EYS: variants seen among roughly 807,000 people sequenced by gnomAD.
EYS encodes protein eyes shut homolog.
In EYS, 250 loss-of-function variants were observed where a neutral mutation model predicts 282.1. That is an observed-to-expected ratio of 0.89 (90% confidence interval 0.80 to 0.98). The LOEUF (loss-of-function observed/expected upper bound fraction) is 0.98. EYS is among the 50% of genes least tolerant of loss of function. The probability of loss-of-function intolerance (pLI) is 0.00; values close to 1 mark genes in which losing one functional copy is unlikely to be tolerated. For missense variants in EYS, 4,016 were observed against 3,709.0 expected (o/e 1.08, Z -2.15); for synonymous variants, 1,355 against 1,282.9 (o/e 1.06, Z -1.20).
At chr6:64,104,298 G>T (rs1472614186) in intron 31 of EYS, among the ~76,000 whole-genome samples, 1 of 152,030 alleles carries the variant, frequency 6.6e-6, no homozygotes, top group African/African-American at 2.4e-5. Context: ...CTCTTGTACT[G>T]AAATCTGATG....
intron 2 of EYS, among the ~76,000 whole-genome samples, chr6:65,523,080 CTTG>C (rs749700753): frequency 1.3e-5 from 2 of 152,018 alleles, no homozygotes; most frequent in Non-Finnish European, 2.9e-5. Flanking sequence ...TAAAAAAACA[CTTG>C]TTGTCATGAC....
chr6:65,026,841 C>T lies in EYS; in HGVS notation c.2138-29138G>A, dbSNP rs192630011. Among the ~76,000 whole-genome samples the T allele has an allele frequency of 6.6e-3, 991 of 151,250 alleles. 6 individuals carry two copies. Among genetic ancestry groups the T allele is most frequent in the Middle Eastern group, 0.034 (10 of 292 alleles). On this transcript the variant is annotated intron_variant, in intron 13 of 42. Coordinates refer to ENST00000503581, the MANE Select transcript of EYS (RefSeq NM_001142800.2). ...CTGAGGCAGGAGGATTGCTTGAATCCGGGAGGCAGAGGTTGCAGTGAGCCA... is the reference window on the plus strand; with the variant it reads ...CTGAGGCAGGAGGATTGCTTGAATCTGGGAGGCAGAGGTTGCAGTGAGCCA...
Position 65,329,189 on chromosome 6 carries a change from T to A in EYS, c.1766+5791A>T, listed in dbSNP as rs891764656. On this transcript the variant is annotated intron_variant, in intron 11 of 42. Transcript: ENST00000503581. ...TACGGTCAAACTTTAATTTTAAATA[T>A]ATAACGTATGTATTTGGGAAAAATA... 20 of 225,860 alleles carry A rather than the reference T, an allele frequency of 8.9e-5. 1 individual carries two copies. The Admixed American group carries it at 1.1e-3, about 13-fold the overall frequency. 14.0% of individuals were successfully genotyped at this position (225,860 alleles called of 1,614,324 possible).
intron 37 of EYS, among the ~76,000 whole-genome samples, chr6:63,800,638 T>C (rs534444859): frequency 1.3e-5 from 2 of 152,064 alleles, no homozygotes; most frequent in East Asian, 3.9e-4. Flanking sequence ...CGCGTCTCTA[T>C]TAAAAATACA....
chr6:65,568,717 G>A (rs1378540855), intron 2 of EYS, among the ~76,000 whole-genome samples: 1 of 152,146 alleles, frequency 6.6e-6, no homozygotes, highest in African/African-American at 2.4e-5. Flanking sequence ...CTCAGGAGAA[G>A]CAGTTGAGAA....
chr6:64,625,639 T>A (rs888085487), intron 23 of EYS, among the ~76,000 whole-genome samples: 2 of 152,202 alleles, frequency 1.3e-5, no homozygotes, highest in African/African-American at 4.8e-5. Flanking sequence ...GTATTGTTGA[T>A]TAGGGTTCAA....
intron 26 of EYS, among the ~76,000 whole-genome samples, chr6:64,465,871 T>C (rs569515175): frequency 1.4e-4 from 21 of 152,082 alleles, no homozygotes; most frequent in African/African-American, 5.1e-4. Context: ...GAGATTAATA[T>C]CTAAAATATT....
chr6:64,969,536 G>T (rs149604947), intron 14 of EYS, among the ~76,000 whole-genome samples: 1 of 152,268 alleles, frequency 6.6e-6, no homozygotes, highest in Non-Finnish European at 1.5e-5. Flanking sequence ...CCACAGATCT[G>T]TAAAAAATGA....
chr6:65,488,097 C>A (rs573702982), intron 5 of EYS, among the ~76,000 whole-genome samples: 1 of 152,014 alleles, frequency 6.6e-6, no homozygotes, highest in South Asian at 2.1e-4. Context: ...AGTGGTATAT[C>A]TATTTTGTTG....
At chr6:64,618,490 T>C (rs1257810573) in intron 23 of EYS, among the ~76,000 whole-genome samples, 1 of 152,214 alleles carries the variant, frequency 6.6e-6, no homozygotes, top group Non-Finnish European at 1.5e-5. Flanking sequence ...TATTGTCCAA[T>C]AGCATTTAAT....
intron 2 of EYS, among the ~76,000 whole-genome samples, chr6:65,601,727 G>T (rs1403971340): frequency 6.6e-6 from 1 of 151,912 alleles, no homozygotes; most frequent in Non-Finnish European, 1.5e-5. Context: ...GCTGTTTCAA[G>T]AAGTGAATTT....
At position 65,495,183 on chromosome 6, in the gene EYS, C is replaced by G. The variant is rs1582376882; in HGVS notation, c.228G>C (p.Gln76His). Reference sequence around the variant, plus strand: ...CTAATTGAATTTGCAAAGGGCAAATCTGGGGAACAGCTTGATTGCCTGAAG... The same window carrying G: ...CTAATTGAATTTGCAAAGGGCAAATGTGGGGAACAGCTTGATTGCCTGAAG... ...IDTSGNQAVP[Q>H]ICPLQIQLGD... is the part of the protein sequence containing the mutation. The change falls in exon 4 of 43, where the codon CAG (glutamine) becomes CAC (histidine). Residue 76 changes from glutamine (Q) to histidine (H), a missense_variant. Physicochemically the swap from Gln to His is conservative, Grantham distance 24. Transcript: ENST00000503581. 3 of 1,614,072 alleles carry G rather than the reference C, an allele frequency of 1.9e-6. No individual in the cohort carries two copies. In the East Asian group the frequency reaches 6.7e-5, roughly 36 times the overall value.
intron 33 of EYS, among the ~76,000 whole-genome samples, chr6:64,023,352 A>C (rs554686295): frequency 6.6e-6 from 1 of 152,330 alleles, no homozygotes; most frequent in Admixed American, 6.5e-5. Context: ...ATTCTTTTGC[A>C]TATGCATCTG....
chr6:65,695,172 A>C (rs968474147), intron 1 of EYS, among the ~76,000 whole-genome samples: 1 of 152,116 alleles, frequency 6.6e-6, no homozygotes, highest in Admixed American at 6.6e-5. Flanking sequence ...TTCTTAAATG[A>C]TTAGGCACCA....
At chr6:64,185,874 A>G (rs1005387762) in intron 31 of EYS, among the ~76,000 whole-genome samples, 10 of 152,178 alleles carry the variant, frequency 6.6e-5, no homozygotes, top group Admixed American at 4.6e-4. Flanking sequence ...CTATATGTGG[A>G]AAGTTGATAG....
intron 26 of EYS, among the ~76,000 whole-genome samples, chr6:64,459,052 T>C (rs1775658153): frequency 6.6e-6 from 1 of 152,212 alleles, no homozygotes; most frequent in African/African-American, 2.4e-5. Context: ...GTATAAACAC[T>C]GCTCCACTTA....
intron 5 of EYS, among the ~76,000 whole-genome samples, chr6:65,484,556 C>T (rs376662898): frequency 4.6e-5 from 7 of 152,174 alleles, no homozygotes; most frequent in African/African-American, 1.2e-4. Flanking sequence ...ACTTTGAAGA[C>T]CCAAGCAGAC....
Position 65,614,211 on chromosome 6 carries a change from T to A in EYS, c.-333+25567A>T, listed in dbSNP as rs151055613. ...TGCACATTATGAGTGTTTTTGGAGA[T>A]ATGGACCCCCAAACAGATGGTGAGA... On this transcript the variant is annotated intron_variant, in intron 2 of 42. Coordinates refer to ENST00000503581, the MANE Select transcript of EYS (RefSeq NM_001142800.2). Among the ~76,000 whole-genome samples the A allele has an allele frequency of 7.9e-3, 1,194 of 152,074 alleles. 17 individuals are homozygous for A. Among genetic ancestry groups the A allele is most frequent in the African/African-American group, 0.027 (1,126 of 41,540 alleles).
At chr6:64,236,627 A>G (rs1766614961) in intron 30 of EYS, among the ~76,000 whole-genome samples, 1 of 151,978 alleles carries the variant, frequency 6.6e-6, no homozygotes, top group African/African-American at 2.4e-5. Flanking sequence ...CTATTTAATG[A>G]CCATCTTATC....
Sources: allele counts gnomAD v4.1 joint callset (sites outside exome capture counted in the v4.1 genomes callset), GRCh38; gene constraint gnomAD v4.1.1; transcripts MANE v1.5; gene names NCBI Gene and HGNC (gene_info 2026-07-23, HGNC 2026-07-21).